KLF17: variants seen among roughly 807,000 people sequenced by gnomAD.
KLF17 encodes Krueppel-like factor 17.
A neutral mutation model predicts 34.2 loss-of-function variants in KLF17; 31 were observed. The observed-to-expected ratio is 0.91, with a 90% CI of 0.68 to 1.22. The LOEUF is 1.22. Among genes scored for constraint, KLF17 ranks in the 50% most tolerant of loss-of-function variants. The pLI, the probability that KLF17 is intolerant of heterozygous loss-of-function variation, is 0.00. For synonymous variants in KLF17, 179 were observed against 186.7 expected, an observed-to-expected ratio of 0.96 and a Z score of 0.34; for missense variants, 478 against 505.2, an observed-to-expected ratio of 0.95 and a Z score of 0.52.
the KLF17 span, among the ~76,000 whole-genome samples, chr1:44,102,968 T>C: frequency 6.6e-6 from 1 of 152,188 alleles, no homozygotes; most frequent in Admixed American, 6.5e-5. Context: ...GAAAAATAAT[T>C]TGAGCTCACT....
At chr1:44,066,936 TC>T in the KLF17 span, among the ~76,000 whole-genome samples, 3 of 151,892 alleles carry the variant, frequency 2.0e-5, no homozygotes, top group Non-Finnish European at 4.4e-5. Context: ...TTTATAAAGA[TC>T]AAAAACAAGC....
At position 44,129,629 on chromosome 1, in the gene KLF17, C is replaced by G; in HGVS notation, c.358C>G (p.Pro120Ala). The change falls in exon 2 of 4, where the codon CCT becomes GCT. Residue 120 changes from proline (P) to alanine (A), a missense_variant. Coordinates refer to ENST00000372299, the MANE Select transcript of KLF17 (RefSeq NM_173484.4). The part of the protein sequence containing the change: ...RMIYCQRMSP[P>A]QQEMTIFSGP... ...GATTTACTGTCAGAGAATGTCTCCC[C>G]CTCAGCAAGAGATGACGATTTTCAG... 6.2e-7 allele frequency: 1 copy of G among 1,614,172 alleles called. No homozygotes were observed. Among genetic ancestry groups the G allele is most frequent in the Non-Finnish European group, 8.5e-7 (1 of 1,180,024 alleles).
At chr1:44,098,122 A>T in the KLF17 span, among the ~76,000 whole-genome samples, 3 of 152,110 alleles carry the variant, frequency 2.0e-5, no homozygotes, top group South Asian at 6.2e-4. Flanking sequence ...GGTATGTGCC[A>T]CCATGCCTAA....
Position 44,129,794 on chromosome 1 carries a change from C to T in KLF17, c.523C>T (p.Pro175Ser). Residue 175 changes from proline to serine, a missense_variant, in exon 2 of 4, where the codon CCT becomes TCT. Coordinates refer to ENST00000372299, the MANE Select transcript of KLF17 (RefSeq NM_173484.4). ...GIPIMSHTGN[P>S]PVPYPGLSTV... is the part of the protein sequence containing the mutation. The stretch of plus-strand genomic sequence containing the variant: ...CCCAATAATGTCCCACACTGGGAAC[C>T]CTCCAGTGCCTTACCCTGGCCTCTC... The T allele has an allele frequency of 3.1e-6, 5 of 1,614,200 alleles. No homozygotes were observed. Among genetic ancestry groups the T allele is most frequent in the Non-Finnish European group, 4.2e-6 (5 of 1,180,038 alleles).
At chr1:44,080,456 T>C in the KLF17 span, among the ~76,000 whole-genome samples, 9 of 151,640 alleles carry the variant, frequency 5.9e-5, no homozygotes, top group South Asian at 8.4e-4. Flanking sequence ...GCCAGTATGG[T>C]CTCCATCTCC....
chr1:44,127,414 T>C (rs1304146671), intron 1 of KLF17, among the ~76,000 whole-genome samples: 2 of 152,136 alleles, frequency 1.3e-5, no homozygotes, highest in Admixed American at 1.3e-4. Flanking sequence ...CATCCTGTTG[T>C]CTGGATGTAA....
chr1:44,069,512 G>GAGAGAGGGA, the KLF17 span, among the ~76,000 whole-genome samples: 3 of 114,632 alleles, frequency 2.6e-5, no homozygotes, highest in Admixed American at 8.8e-5. The surrounding 1 kb of genome is among the most constrained non-coding windows in gnomAD (Gnocchi z 4.7). Context: ...GAGAGAGAGA[G>GAGAGAGGGA]AAGACAGGAG....
the KLF17 span, among the ~76,000 whole-genome samples, chr1:44,112,916 C>T: frequency 6.6e-6 from 1 of 152,160 alleles, no homozygotes; most frequent in Non-Finnish European, 1.5e-5. Flanking sequence ...GTGCTAGGTA[C>T]CCAGAGGTTT....
the KLF17 span, among the ~76,000 whole-genome samples, chr1:44,087,753 TATATATATATATATATAC>T: frequency 0.016 from 1,103 of 69,804 alleles, 4 homozygotes; most frequent in South Asian, 0.029. Flanking sequence ...TATATATATA[TATATATATATATATATAC>T]ACACACACAC....
chr1:44,097,536 C>T, the KLF17 span, among the ~76,000 whole-genome samples: 49,361 of 151,686 alleles, frequency 0.33, 8,172 homozygotes, highest in South Asian at 0.38. Context: ...CACGTGTATA[C>T]CTATGTAACA....
At chr1:44,128,671 C>A (rs2088058068) in intron 1 of KLF17, among the ~76,000 whole-genome samples, 2 of 152,150 alleles carry the variant, frequency 1.3e-5, no homozygotes, top group African/African-American at 4.8e-5. Context: ...GCTTTCTGCA[C>A]CCGTTCTGCT....
chr1:44,130,573 G>A lies in KLF17; in HGVS notation c.987G>A (p.Glu329=). 6.2e-7 allele frequency: 1 copy of A among 1,614,112 alleles called. No homozygotes were observed. The highest frequency in any genetic ancestry group is 1.1e-5 in the South Asian group (1 of 91,072). ...SCSWSFFRSD[E]LRRHMRVHTR... ...CATGGTCTTTCTTCCGTTCTGATGA[G>A]CTTAGACGACATATGCGGGTACACA... Residue 329 remains glutamate, a synonymous_variant, in exon 3 of 4, where the codon GAG becomes GAA. Coordinates refer to ENST00000372299, the MANE Select transcript of KLF17 (RefSeq NM_173484.4).
At chr1:44,100,323 G>A in the KLF17 span, among the ~76,000 whole-genome samples, 1 of 151,996 alleles carries the variant, frequency 6.6e-6, no homozygotes, top group East Asian at 1.9e-4. Context: ...GGTCGGATGG[G>A]GTAGAAAGAA....
intron 1 of KLF17, among the ~76,000 whole-genome samples, chr1:44,125,321 A>G (rs1392891433): frequency 6.6e-6 from 1 of 152,022 alleles, no homozygotes; most frequent in African/African-American, 2.4e-5. Context: ...GTTAATAGTT[A>G]TTTTTCCTTT....
At chr1:44,064,186 A>G in the KLF17 span, among the ~76,000 whole-genome samples, 1 of 152,240 alleles carries the variant, frequency 6.6e-6, no homozygotes, top group Non-Finnish European at 1.5e-5. Flanking sequence ...GCAACAAGGG[A>G]AAAACCAGTA....
chr1:44,130,040 C>A lies in KLF17; in HGVS notation c.769C>A (p.Pro257Thr). 1 of 1,614,192 alleles carries A rather than the reference C, an allele frequency of 6.2e-7. No individual in the cohort carries two copies. Among genetic ancestry groups the A allele is most frequent in the South Asian group, 1.1e-5 (1 of 91,084 alleles). ...EGPFLPEQPG[P>T]APQTVEKNSR... ...CCCATTTCTACCAGAGCAGCCCGGA[C>A]CTGCTCCACAGACAGTAGAGAAGAA... The change falls in exon 2 of 4, where the codon CCT becomes ACT. Residue 257 changes from proline (P) to threonine (T), a missense_variant. By Grantham distance (38) the Pro-to-Thr change is conservative. Transcript: ENST00000372299.
At chr1:44,065,578 T>G in the KLF17 span, among the ~76,000 whole-genome samples, 1 of 151,632 alleles carries the variant, frequency 6.6e-6, no homozygotes, top group East Asian at 2.0e-4. Context: ...CCAGGCTAAT[T>G]TTTGTATTTT....
the KLF17 span, among the ~76,000 whole-genome samples, chr1:44,086,667 A>G: frequency 6.6e-6 from 1 of 152,162 alleles, no homozygotes; most frequent in Non-Finnish European, 1.5e-5. Flanking sequence ...GAATAACAAC[A>G]GTATAGGAGA....
the KLF17 span, chr1:44,088,094 C>G: frequency 5.3e-6 from 1 of 189,218 alleles, no homozygotes; most frequent in Middle Eastern, 1.3e-3. Context: ...ATCAAGCTGC[C>G]AAGCACTCTT....
Sources: gnomAD v4.1 joint callset for allele counts (sites outside exome capture counted in the v4.1 genomes callset) on GRCh38, gnomAD v4.1.1 for gene constraint, Gnocchi (gnomAD v3.1) non-coding constraint, MANE v1.5 for transcripts, NCBI Gene and HGNC (gene_info 2026-07-23, HGNC 2026-07-21) for gene names.